ROBO1: variants seen among roughly 807,000 people sequenced by gnomAD.
The protein encoded by ROBO1 is roundabout homolog 1.
A neutral mutation model predicts 195.9 loss-of-function variants in ROBO1; 149 were observed. The observed-to-expected ratio is 0.76, with a 90% confidence interval of 0.67 to 0.87. The LOEUF (loss-of-function observed/expected upper bound fraction) is 0.87, where lower values mean the gene tolerates loss of function less well. Ranked by LOEUF, ROBO1 falls within the 40% of genes least tolerant of loss-of-function variation. The probability of loss-of-function intolerance (pLI) is 0.00; values close to 1 mark genes in which losing one functional copy is unlikely to be tolerated. For missense variants in ROBO1, 1,933 were observed against 2,068.3 expected, an observed-to-expected ratio of 0.93 and a Z score of 1.27; for synonymous variants, 816 against 733.2, an observed-to-expected ratio of 1.11 and a Z score of -1.82.
intron 3 of ROBO1, among the ~76,000 whole-genome samples, chr3:79,056,405 G>A (rs1180880904): frequency 6.6e-6 from 1 of 152,058 alleles, no homozygotes; most frequent in Admixed American, 6.6e-5. Flanking sequence ...ATTTTGAGCT[G>A]CCATGTTACA....
chr3:79,574,916 C>A (rs951864785), intron 2 of ROBO1, among the ~76,000 whole-genome samples: 1 of 150,894 alleles, frequency 6.6e-6, no homozygotes, highest in African/African-American at 2.4e-5. Context: ...TTAAAACAGA[C>A]AAAATAAAAC....
Position 79,100,382 on chromosome 3 carries a change from C to A in ROBO1, c.172+25074G>T, listed in dbSNP as rs559557603. Among the ~76,000 whole-genome samples the A allele has an allele frequency of 2.6e-4, 40 of 151,700 alleles. No homozygotes were observed. The South Asian group carries it at 8.3e-3, about 32-fold the overall frequency. ...CAATTTGGATGGAAGTCTTCCTTAC[C>A]CAAACCTTATTCTTTTTTTCCCTAA... On this transcript the variant is annotated intron_variant, in intron 3 of 30. Transcript: ENST00000464233.
At chr3:79,127,359 G>A (rs1395783945) in intron 2 of ROBO1, among the ~76,000 whole-genome samples, 1 of 152,142 alleles carries the variant, frequency 6.6e-6, no homozygotes, top group East Asian at 1.9e-4. Flanking sequence ...AAATTGCTTG[G>A]TCAAATGCAT....
chr3:78,627,668 T>C (rs1478669006), intron 25 of ROBO1, 99 bp from the exon 26 acceptor site: 6 of 1,295,052 alleles, frequency 4.6e-6, no homozygotes, highest in African/African-American at 1.5e-5. Flanking sequence ...TTTTCAAATC[T>C]GAACGTTCTC....
At chr3:78,714,349 T>C in intron 8 of ROBO1, 48 bp downstream of exon 8, 4 of 1,583,272 alleles carry the variant, frequency 2.5e-6, no homozygotes, top group Non-Finnish European at 3.4e-6. Context: ...ATCAGCACTA[T>C]ATTTTGTATG....
intron 4 of ROBO1, among the ~76,000 whole-genome samples, chr3:78,758,338 G>A (rs1163870820): frequency 6.6e-6 from 1 of 152,054 alleles, no homozygotes; most frequent in African/African-American, 2.4e-5. Flanking sequence ...GGGCAATACA[G>A]TGGGACACCT....
chr3:79,251,737 G>A (rs755943551), intron 2 of ROBO1, among the ~76,000 whole-genome samples: 9 of 152,052 alleles, frequency 5.9e-5, no homozygotes, highest in African/African-American at 1.7e-4. Flanking sequence ...GTGACAGAGC[G>A]ATAATCTGCC....
intron 2 of ROBO1, among the ~76,000 whole-genome samples, chr3:79,197,404 T>C (rs557005686): frequency 6.6e-6 from 1 of 152,212 alleles, no homozygotes; most frequent in African/African-American, 2.4e-5. Flanking sequence ...TTCCATGGTG[T>C]ATATGTGCCA....
intron 4 of ROBO1, among the ~76,000 whole-genome samples, chr3:78,748,400 G>A (rs3926199): frequency 0.18 from 27,527 of 151,778 alleles, 3,130 homozygotes; most frequent in East Asian, 0.5. Context: ...AGCTGAGATC[G>A]TGCCATTGCA....
At chr3:79,326,183 T>C (rs1276680233) in intron 2 of ROBO1, among the ~76,000 whole-genome samples, 1 of 152,138 alleles carries the variant, frequency 6.6e-6, no homozygotes, top group African/African-American at 2.4e-5. Flanking sequence ...GAAACTTCAT[T>C]AGCAATTTTA....
chr3:79,515,638 C>T (rs535031109), intron 2 of ROBO1, among the ~76,000 whole-genome samples: 1 of 152,106 alleles, frequency 6.6e-6, no homozygotes, highest in Non-Finnish European at 1.5e-5. Context: ...AAATAATATT[C>T]TCAGTGTTGT....
chr3:79,156,275 G>T (rs1291229136), intron 2 of ROBO1, among the ~76,000 whole-genome samples: 1 of 151,226 alleles, frequency 6.6e-6, no homozygotes, highest in Non-Finnish European at 1.5e-5. Context: ...CACTAGATCA[G>T]AAGGTTTTGG....
chr3:79,242,138 G>C (rs950074618), intron 2 of ROBO1, among the ~76,000 whole-genome samples: 1 of 151,982 alleles, frequency 6.6e-6, no homozygotes, highest in Non-Finnish European at 1.5e-5. Context: ...GGTAGGAATT[G>C]AAGCAGCTGC....
chr3:79,448,061 T>C (rs2039323923), intron 2 of ROBO1, among the ~76,000 whole-genome samples: 1 of 152,208 alleles, frequency 6.6e-6, no homozygotes, highest in Non-Finnish European at 1.5e-5. Context: ...TTATATAAGT[T>C]GAGAAATTTA....
At chr3:79,749,545 G>T (rs554040827) in intron 1 of ROBO1, among the ~76,000 whole-genome samples, 1 of 152,152 alleles carries the variant, frequency 6.6e-6, no homozygotes, top group Non-Finnish European at 1.5e-5. Context: ...AGGCCTGGAG[G>T]TCTAGGACTA....
At chr3:79,537,239 G>A (rs1193371851) in intron 2 of ROBO1, among the ~76,000 whole-genome samples, 3 of 152,052 alleles carry the variant, frequency 2.0e-5, no homozygotes, top group African/African-American at 7.2e-5. Flanking sequence ...TCTAGGGGAA[G>A]AAGGTTGTCT....
intron 2 of ROBO1, among the ~76,000 whole-genome samples, chr3:79,441,667 A>C (rs1001195215): frequency 6.6e-6 from 1 of 152,136 alleles, no homozygotes; most frequent in Non-Finnish European, 1.5e-5. Flanking sequence ...TGGTCATCTT[A>C]GATATAATGA....
At chr3:79,039,756 C>T (rs1008892945) in intron 3 of ROBO1, among the ~76,000 whole-genome samples, 2 of 122,850 alleles carry the variant, frequency 1.6e-5, no homozygotes, top group East Asian at 5.6e-4. Context: ...GACCCGAGAT[C>T]GCGCCACTGT....
chr3:79,674,432 T>C (rs771785428), intron 1 of ROBO1, among the ~76,000 whole-genome samples: 4 of 151,896 alleles, frequency 2.6e-5, no homozygotes, highest in Non-Finnish European at 5.9e-5. Flanking sequence ...GTTTAGAAAT[T>C]AATATATGTT....
Sources: allele counts gnomAD v4.1 joint callset (sites outside exome capture counted in the v4.1 genomes callset), GRCh38; gene constraint gnomAD v4.1.1; transcripts MANE v1.5; gene names NCBI Gene and HGNC (gene_info 2026-07-23, HGNC 2026-07-21).